The following WLS variants were observed in gnomAD, a reference collection of about 807,000 sequenced individuals.
The protein encoded by WLS is protein wntless homolog.
In WLS, 23 loss-of-function variants were observed where a neutral mutation model predicts 62.8. The ratio of observed to expected loss-of-function variants is 0.37; its 90% CI spans 0.26 to 0.52. WLS has a LOEUF of 0.52. Among genes scored for constraint, WLS ranks in the 20% least tolerant of loss-of-function variants. WLS has a pLI of 0.92. For synonymous variants in WLS, 246 were observed against 244.1 expected, an observed-to-expected ratio of 1.01 and a Z score of -0.07; for missense variants, 615 against 697.3, an observed-to-expected ratio of 0.88 and a Z score of 1.33.
intron 11 of WLS, among the ~76,000 whole-genome samples, chr1:68,115,924 A>T (rs994205262): frequency 6.6e-6 from 1 of 152,122 alleles, no homozygotes; most frequent in African/African-American, 2.4e-5. Context: ...TCCTGGCAGC[A>T]GTCGTTGGCA....
chr1:68,114,176 T>G (rs540375506), intron 11 of WLS, among the ~76,000 whole-genome samples: 1 of 152,182 alleles, frequency 6.6e-6, no homozygotes, highest in Non-Finnish European at 1.5e-5. Context: ...GAATCATGCC[T>G]ACTGCCAGGC....
rs74943993 is a variant in WLS at position 68,212,550 on chromosome 1, G to A, written c.107-18323C>T. Among the ~76,000 whole-genome samples, 590 of 152,278 alleles carry A rather than the reference G, an allele frequency of 3.9e-3. 8 individuals carry two copies. In the East Asian group the frequency reaches 0.046, roughly 12 times the overall value. ...TTTAGTTCCAACACTACCAGATCGG[G>A]AGTTGACATAATGCACATAAAATAC... On this transcript the variant is annotated intron_variant, in intron 1 of 11. Transcript: ENST00000262348.
At chr1:68,105,165 C>T (rs1646127258) in intron 11 of WLS, among the ~76,000 whole-genome samples, 3 of 152,148 alleles carry the variant, frequency 2.0e-5, no homozygotes, top group East Asian at 3.8e-4. Context: ...GGAGGAAAGC[C>T]AGGAGCCAGG....
downstream of WLS, among the ~76,000 whole-genome samples, chr1:68,124,450 G>A (rs1646400118): frequency 6.6e-6 from 1 of 152,102 alleles, no homozygotes; most frequent in Non-Finnish European, 1.5e-5. Flanking sequence ...TATGATTTTT[G>A]TACTGCTGAT....
chr1:68,163,379 CT>C (rs1647012902), intron 2 of WLS, among the ~76,000 whole-genome samples: 1 of 152,168 alleles, frequency 6.6e-6, no homozygotes, highest in Non-Finnish European at 1.5e-5. Flanking sequence ...GTGGCGGTGG[CT>C]CCCGCCCCTC....
intron 11 of WLS, among the ~76,000 whole-genome samples, chr1:68,131,778 A>ATTAAG (rs944646920): frequency 2.3e-4 from 35 of 152,218 alleles, no homozygotes; most frequent in African/African-American, 8.0e-4. Context: ...TAAAGAAGTA[A>ATTAAG]TTAAGTTAAC....
At chr1:68,187,189 CAAAAA>C (rs34130992) in intron 2 of WLS, among the ~76,000 whole-genome samples, 54 of 57,172 alleles carry the variant, frequency 9.4e-4, no homozygotes, top group African/African-American at 1.4e-3. Flanking sequence ...ACTCCATCTC[CAAAAA>C]AAAAAAAAAA....
chr1:68,135,379 G>C (rs1213536210), intron 11 of WLS, among the ~76,000 whole-genome samples: 2 of 142,736 alleles, frequency 1.4e-5, no homozygotes, highest in South Asian at 4.4e-4. Context: ...CAAACTTCTG[G>C]GCTCAAGCAA....
chr1:68,226,545 A>G (rs991490944), intron 1 of WLS, among the ~76,000 whole-genome samples: 1 of 152,174 alleles, frequency 6.6e-6, no homozygotes, highest in Admixed American at 6.5e-5. Context: ...AGGGGTTCTA[A>G]TTTCATACAT....
downstream of WLS, among the ~76,000 whole-genome samples, chr1:68,120,720 G>A (rs1646354299): frequency 1.8e-5 from 1 of 56,258 alleles, no homozygotes; most frequent in Non-Finnish European, 3.7e-5. Flanking sequence ...GTGTGTGTGC[G>A]CGCGCGCACA....
chr1:68,136,314 T>C (rs772003268), intron 11 of WLS, among the ~76,000 whole-genome samples: 4 of 152,224 alleles, frequency 2.6e-5, no homozygotes, highest in Admixed American at 1.3e-4. Context: ...GAACTGGTCC[T>C]TGCCCTGAAG....
intron 1 of WLS, among the ~76,000 whole-genome samples, chr1:68,220,462 C>T (rs1649896291): frequency 6.6e-6 from 1 of 152,208 alleles, no homozygotes; most frequent in African/African-American, 2.4e-5. Flanking sequence ...CCCCGTGACT[C>T]AGAGATTTTT....
intron 2 of WLS, chr1:68,162,038 T>C: frequency 6.3e-7 from 1 of 1,593,118 alleles, no homozygotes; most frequent in Non-Finnish European, 8.6e-7. Flanking sequence ...TTTCTTAAGC[T>C]TTCTGGGATG....
chr1:68,202,612 TATTGCTC>T (rs1273451124), intron 1 of WLS: 35 of 152,222 alleles, frequency 2.3e-4, no homozygotes, highest in African/African-American at 7.7e-4. Context: ...CTGTTGACGC[TATTGCTC>T]ATTGCTCGGC....
chr1:68,123,097 A>G (rs947368741), downstream of WLS, among the ~76,000 whole-genome samples: 1 of 152,102 alleles, frequency 6.6e-6, no homozygotes, highest in African/African-American at 2.4e-5. Flanking sequence ...TTCCCTGCGG[A>G]CTAAAAAACA....
chr1:68,104,298 C>G (rs541758194), intron 11 of WLS, among the ~76,000 whole-genome samples: 1 of 152,236 alleles, frequency 6.6e-6, no homozygotes, highest in South Asian at 2.1e-4. Flanking sequence ...CTACCATTAT[C>G]GGTGGAGATG....
chr1:68,225,601 G>A (rs1029570448), intron 1 of WLS, among the ~76,000 whole-genome samples: 1 of 152,182 alleles, frequency 6.6e-6, no homozygotes, highest in Non-Finnish European at 1.5e-5. Flanking sequence ...AGAACAAAAT[G>A]TACCTATTCC....
At chr1:68,148,220 A>G (rs765062207) in intron 7 of WLS, 21 bp from the exon 8 acceptor site, 6 of 1,613,010 alleles carry the variant, frequency 3.7e-6, no homozygotes, top group Non-Finnish European at 5.1e-6. Context: ...AATGAGATGG[A>G]AAGGCAAGAC....
chr1:68,130,146 GCTT>G (rs1440037813), intron 11 of WLS, among the ~76,000 whole-genome samples: 1 of 152,208 alleles, frequency 6.6e-6, no homozygotes, highest in African/African-American at 2.4e-5. Context: ...ACTGGAGACA[GCTT>G]CTTAGGACCG....
Sources: allele counts gnomAD v4.1 joint callset (sites outside exome capture counted in the v4.1 genomes callset), GRCh38; gene constraint gnomAD v4.1.1; transcripts MANE v1.5; gene names NCBI Gene and HGNC (gene_info 2026-07-23, HGNC 2026-07-21).